Variants in PTPRD observed in about 807,000 individuals in gnomAD.
PTPRD encodes the protein protein tyrosine phosphatase receptor type D.
A neutral mutation model predicts 214.5 loss-of-function variants in PTPRD; 34 were observed. That is an observed-to-expected ratio of 0.16 (90% confidence interval 0.12 to 0.21). The LOEUF (loss-of-function observed/expected upper bound fraction) is 0.21, where lower values mean the gene tolerates loss of function less well. Among genes scored for constraint, PTPRD ranks in the 10% least tolerant of loss-of-function variants. The pLI is 1.00. For synonymous variants in PTPRD, 1,128 were observed against 845.7 expected (o/e 1.33, Z -5.79); for missense variants, 2,545 against 2,398.7 (o/e 1.06, Z -1.27).
chr9:9,670,329 A>T (rs1394666760), intron 7 of PTPRD, among the ~76,000 whole-genome samples: 2 of 152,144 alleles, frequency 1.3e-5, no homozygotes, highest in African/African-American at 4.8e-5. Flanking sequence ...TCAAGAGGTG[A>T]CTTGGGTGCC....
chr9:10,222,260 A>G (rs920192192), intron 3 of PTPRD, among the ~76,000 whole-genome samples: 2 of 152,082 alleles, frequency 1.3e-5, no homozygotes, highest in Admixed American at 6.6e-5. Flanking sequence ...ATAGTCTTAC[A>G]TAGAGGTATT....
At chr9:9,206,950 C>G (rs759401550) in intron 9 of PTPRD, among the ~76,000 whole-genome samples, 7 of 152,268 alleles carry the variant, frequency 4.6e-5, no homozygotes, top group Middle Eastern at 3.4e-3. Flanking sequence ...TTAGTTCTGT[C>G]CCTCTAGAGA....
chr9:8,754,246 T>C (rs140015196), intron 11 of PTPRD, among the ~76,000 whole-genome samples: 5 of 152,258 alleles, frequency 3.3e-5, no homozygotes, highest in East Asian at 1.9e-4. Context: ...TCTTGTGAAA[T>C]AGAAAAACTA....
chr9:9,343,734 T>G (rs1363846533), intron 9 of PTPRD, among the ~76,000 whole-genome samples: 1 of 152,066 alleles, frequency 6.6e-6, no homozygotes, highest in Non-Finnish European at 1.5e-5. Context: ...TTTTTTTTTT[T>G]GAGGACTTCA....
intron 8 of PTPRD, among the ~76,000 whole-genome samples, chr9:9,466,159 A>C (rs989687751): frequency 1.3e-5 from 2 of 152,002 alleles, no homozygotes; most frequent in Non-Finnish European, 2.9e-5. Flanking sequence ...AAATACAAAA[A>C]TTAGCTAGGC....
chr9:10,238,042 A>T (rs78465801), intron 3 of PTPRD, among the ~76,000 whole-genome samples: 35,829 of 150,272 alleles, frequency 0.24, 4,477 homozygotes, highest in African/African-American at 0.33. Context: ...TTTTTTTTTT[A>T]AAAATCCTTT....
At chr9:10,247,847 G>C (rs776005188) in intron 3 of PTPRD, among the ~76,000 whole-genome samples, 7 of 152,138 alleles carry the variant, frequency 4.6e-5, no homozygotes, top group Non-Finnish European at 1.0e-4. Flanking sequence ...GTAACGCAGT[G>C]ATATGGTTTG....
intron 14 of PTPRD, among the ~76,000 whole-genome samples, chr9:8,611,698 G>T (rs2095451875): frequency 6.9e-6 from 1 of 145,956 alleles, no homozygotes; most frequent in South Asian, 2.2e-4. Flanking sequence ...GACAGGGCAA[G>T]ACCCTGTCAA....
chr9:8,456,332 GGGA>G (rs2133917552), intron 33 of PTPRD, among the ~76,000 whole-genome samples: 1 of 152,202 alleles, frequency 6.6e-6, no homozygotes, highest in Admixed American at 6.5e-5. Flanking sequence ...TGCTAGAGAG[GGGA>G]GGAGAAGAGA....
At chr9:9,399,602 A>G (rs2069351751) in intron 8 of PTPRD, among the ~76,000 whole-genome samples, 1 of 151,954 alleles carries the variant, frequency 6.6e-6, no homozygotes, top group Admixed American at 6.6e-5. Flanking sequence ...CATAATTCCC[A>G]CATATTGTGG....
At chr9:10,503,955 A>G (rs1372926003) in intron 2 of PTPRD, among the ~76,000 whole-genome samples, 1 of 151,412 alleles carries the variant, frequency 6.6e-6, no homozygotes, top group Non-Finnish European at 1.5e-5. Flanking sequence ...TCTCTACTAA[A>G]AATACAAAAA....
chr9:8,766,827 G>C (rs1272042403), intron 11 of PTPRD, among the ~76,000 whole-genome samples: 2 of 152,122 alleles, frequency 1.3e-5, no homozygotes, highest in African/African-American at 4.8e-5. Flanking sequence ...TTATTTAGAA[G>C]TTTCGTGATG....
intron 12 of PTPRD, among the ~76,000 whole-genome samples, chr9:8,712,647 TC>T (rs1173642446): frequency 6.6e-6 from 1 of 151,644 alleles, no homozygotes; most frequent in East Asian, 1.9e-4. Flanking sequence ...ACAGCTGATC[TC>T]CTACATATTC....
At chr9:8,569,910 A>T (rs967818272) in intron 14 of PTPRD, among the ~76,000 whole-genome samples, 1 of 152,156 alleles carries the variant, frequency 6.6e-6, no homozygotes, top group African/African-American at 2.4e-5. Flanking sequence ...AAAGTTTCAG[A>T]TTTGGGAAAC....
At chr9:8,644,201 CAG>C (rs1472489079) in intron 12 of PTPRD, among the ~76,000 whole-genome samples, 1 of 151,748 alleles carries the variant, frequency 6.6e-6, no homozygotes, top group Non-Finnish European at 1.5e-5. Flanking sequence ...ACTTGCTTAA[CAG>C]AGAGGAGCTA....
intron 35 of PTPRD, among the ~76,000 whole-genome samples, chr9:8,419,223 C>A (rs1377126743): frequency 3.5e-5 from 5 of 141,966 alleles, no homozygotes; most frequent in African/African-American, 1.3e-4. Flanking sequence ...ATGACCCACT[C>A]TCCAAAAAAT....
intron 5 of PTPRD, among the ~76,000 whole-genome samples, chr9:9,824,655 G>C (rs905453619): frequency 6.6e-6 from 1 of 151,888 alleles, no homozygotes; most frequent in Non-Finnish European, 1.5e-5. Context: ...AGTTGTAAAA[G>C]ATATTCTAGT....
intron 14 of PTPRD, among the ~76,000 whole-genome samples, chr9:8,549,193 GA>G (rs1326356419): frequency 1.3e-5 from 2 of 152,168 alleles, no homozygotes; most frequent in African/African-American, 4.8e-5. Flanking sequence ...GAGAAAGGAA[GA>G]GATGAGTTAG....
intron 12 of PTPRD, among the ~76,000 whole-genome samples, chr9:8,666,596 G>C (rs1253875407): frequency 2.0e-5 from 3 of 152,006 alleles, no homozygotes; most frequent in Non-Finnish European, 4.4e-5. Flanking sequence ...CTAAAAATTT[G>C]TTCTAAGACA....
Sources: gnomAD v4.1 joint callset for allele counts (sites outside exome capture counted in the v4.1 genomes callset) on GRCh38, gnomAD v4.1.1 for gene constraint, MANE v1.5 for transcripts, NCBI Gene and HGNC (gene_info 2026-07-23, HGNC 2026-07-21) for gene names.